The following ADGRL3 variants were observed in gnomAD, a reference collection of about 807,000 sequenced individuals.
ADGRL3 encodes the protein calcium-independent alpha-latrotoxin receptor 3.
A neutral mutation model predicts 153.5 loss-of-function variants in ADGRL3; 62 were observed. The observed-to-expected ratio is 0.40, with a 90% CI of 0.33 to 0.50. ADGRL3 has a LOEUF of 0.50. ADGRL3 is among the 20% of genes least tolerant of loss of function. The probability of loss-of-function intolerance (pLI) is 0.47; values close to 1 mark genes in which losing one functional copy is unlikely to be tolerated. For missense variants in ADGRL3, 1,641 were observed against 1,859.4 expected (o/e 0.88, Z 2.16); for synonymous variants, 710 against 672.5 (o/e 1.06, Z -0.86).
chr4:61,229,535 T>TA (rs397828682), intron 1 of ADGRL3, among the ~76,000 whole-genome samples: 8 of 151,678 alleles, frequency 5.3e-5, no homozygotes, highest in South Asian at 2.1e-4. Flanking sequence ...CTTTTTTTTT[T>TA]AAACTGTTTT....
At chr4:61,450,212 T>G (rs916174314) in intron 2 of ADGRL3, among the ~76,000 whole-genome samples, 2 of 152,196 alleles carry the variant, frequency 1.3e-5, no homozygotes, top group African/African-American at 4.8e-5. Context: ...CTTCCTTTAA[T>G]TGTTTAATCA....
intron 6 of ADGRL3, among the ~76,000 whole-genome samples, chr4:61,719,732 G>C (rs2151616734): frequency 6.6e-6 from 1 of 151,680 alleles, no homozygotes; most frequent in African/African-American, 2.4e-5. Flanking sequence ...CTCCTGAGTA[G>C]CTGGAACTAC....
chr4:61,616,667 C>T (rs998767739), intron 5 of ADGRL3, among the ~76,000 whole-genome samples: 1 of 152,166 alleles, frequency 6.6e-6, no homozygotes, highest in African/African-American at 2.4e-5. Flanking sequence ...ATACTTGAAA[C>T]GTGAAAGGCT....
intron 13 of ADGRL3, chr4:61,934,002 AC>A (rs984438043): frequency 1.3e-5 from 2 of 152,210 alleles, no homozygotes; most frequent in African/African-American, 4.8e-5. Flanking sequence ...TTTGAATGAA[AC>A]CCAAGACCTT....
chr4:61,691,978 C>T (rs976484287), intron 6 of ADGRL3, among the ~76,000 whole-genome samples: 9 of 151,966 alleles, frequency 5.9e-5, no homozygotes, highest in South Asian at 2.1e-4. Context: ...ACTTAGGAGA[C>T]GACAGCTCAG....
intron 24 of ADGRL3, among the ~76,000 whole-genome samples, 180 bp downstream of exon 24, chr4:62,038,036 T>A (rs1257890217): frequency 2.0e-5 from 3 of 152,172 alleles, no homozygotes; most frequent in Non-Finnish European, 4.4e-5. Flanking sequence ...AATAATATGA[T>A]GAAATTTGAG....
At chr4:61,732,624 A>C (rs561233851) in intron 7 of ADGRL3, 130 bp from the exon 8 acceptor site, 9 of 471,028 alleles carry the variant, frequency 1.9e-5, no homozygotes, top group African/African-American at 1.8e-4. Flanking sequence ...TGTTCTTAAA[A>C]GAATGCAGCA....
In ADGRL3 at chr4:62,046,792, C is replaced by T. The variant is rs141963602; in HGVS notation, c.3814+2243C>T. ...CATTTCCTGGATTAATTTCTTAGTC[C>T]CCCTCAAGTCAGAAACTCCTAGTTT... On this transcript the variant is annotated intron_variant, in intron 25 of 26. Transcript: ENST00000683033. 4.4e-3 allele frequency among the ~76,000 whole-genome samples: 674 copies of T among 151,852 alleles called. 4 individuals carry two copies. Among genetic ancestry groups the T allele is most frequent in the African/African-American group, 0.015 (629 of 41,498 alleles).
At chr4:61,283,378 A>G (rs1327210060) in intron 1 of ADGRL3, among the ~76,000 whole-genome samples, 1 of 152,046 alleles carries the variant, frequency 6.6e-6, no homozygotes, top group African/African-American at 2.4e-5. Flanking sequence ...AGAGTTTTTC[A>G]GGGAGCTTTC....
chr4:61,476,267 C>T (rs1376495008), intron 2 of ADGRL3, among the ~76,000 whole-genome samples: 1 of 151,950 alleles, frequency 6.6e-6, no homozygotes, highest in Non-Finnish European at 1.5e-5. Flanking sequence ...CTTTGTCGCC[C>T]AGGCTGGAGT....
intron 1 of ADGRL3, among the ~76,000 whole-genome samples, chr4:61,261,741 G>A (rs569338925): frequency 5.3e-4 from 81 of 152,288 alleles, no homozygotes; most frequent in Non-Finnish European, 8.7e-4. Flanking sequence ...TTACAATGTC[G>A]TCTTTGCAAG....
intron 1 of ADGRL3, among the ~76,000 whole-genome samples, chr4:61,344,649 G>A (rs965933680): frequency 2.1e-4 from 32 of 151,932 alleles, no homozygotes; most frequent in African/African-American, 7.2e-4. Flanking sequence ...CATTGTGCCT[G>A]TCCTGGTCAT....
chr4:61,770,035 C>G (rs2097064075), intron 8 of ADGRL3, among the ~76,000 whole-genome samples: 1 of 152,116 alleles, frequency 6.6e-6, no homozygotes, highest in African/African-American at 2.4e-5. Flanking sequence ...ACAAGTAAAC[C>G]TAAATATACA....
intron 17 of ADGRL3, among the ~76,000 whole-genome samples, chr4:61,978,583 G>T (rs2099056180): frequency 6.6e-6 from 1 of 152,100 alleles, no homozygotes; most frequent in Non-Finnish European, 1.5e-5. Flanking sequence ...TATTTGTTGG[G>T]CCTCTGTAAA....
At chr4:61,675,402 A>G (rs1043156657) in intron 5 of ADGRL3, among the ~76,000 whole-genome samples, 3 of 151,958 alleles carry the variant, frequency 2.0e-5, no homozygotes, top group African/African-American at 7.2e-5. Flanking sequence ...TATGGGTAGG[A>G]AAAACCATTA....
chr4:61,388,668 T>C (rs1033559684), intron 2 of ADGRL3, among the ~76,000 whole-genome samples: 6 of 152,216 alleles, frequency 3.9e-5, no homozygotes, highest in African/African-American at 1.4e-4. Context: ...TTTTCCTTGC[T>C]CCACTGTTGT....
rs140082955 is a variant in ADGRL3, at chr4:61,908,884, A to G, written c.1888-676A>G. ...CATGGCTATCAAATTTGTTCTAGTG[A>G]TGATGAGGTATTAGGTCTTTATCTG... On this transcript the variant is annotated intron_variant, in intron 11 of 26. Coordinates refer to ENST00000683033, the MANE Select transcript of ADGRL3 (RefSeq NM_001387552.1). 3.0e-3 allele frequency among the ~76,000 whole-genome samples: 452 copies of G among 152,260 alleles called. 2 individuals carry two copies. Among genetic ancestry groups the G allele is most frequent in the Non-Finnish European group, 5.2e-3 (353 of 68,022 alleles).
chr4:61,213,270 C>G (rs1740991154), intron 1 of ADGRL3, among the ~76,000 whole-genome samples: 2 of 152,078 alleles, frequency 1.3e-5, no homozygotes, highest in African/African-American at 4.8e-5. Context: ...AGCAGTCCTT[C>G]TATGTTAATT....
At chr4:61,212,174 G>A (rs1047591979) in intron 1 of ADGRL3, 2 of 151,824 alleles carry the variant, frequency 1.3e-5, no homozygotes, top group Admixed American at 6.6e-5. Context: ...AGAAGAAACT[G>A]AAGAAAAAAA....
Sources: allele counts gnomAD v4.1 joint callset (sites outside exome capture counted in the v4.1 genomes callset), GRCh38; gene constraint gnomAD v4.1.1; transcripts MANE v1.5; gene names NCBI Gene and HGNC (gene_info 2026-07-23, HGNC 2026-07-21).